NAV2: variants seen among roughly 807,000 people sequenced by gnomAD.
NAV2 encodes helicase, APC down-regulated 1.
In NAV2, 54 loss-of-function variants were observed where a neutral mutation model predicts 223.2. The ratio of observed to expected loss-of-function variants is 0.24; its 90% confidence interval spans 0.19 to 0.30. The LOEUF (loss-of-function observed/expected upper bound fraction) is 0.30, where lower values mean the gene tolerates loss of function less well. Among genes scored for constraint, NAV2 ranks in the 10% least tolerant of loss-of-function variants. The probability of loss-of-function intolerance (pLI) is 1.00; values close to 1 mark genes in which losing one functional copy is unlikely to be tolerated. For missense variants in NAV2, 2,806 were observed against 3,147.5 expected (o/e 0.89, Z 2.60); for synonymous variants, 1,279 against 1,239.3 (o/e 1.03, Z -0.67).
rs577206757 is a variant in NAV2 at position 19,559,901 on chromosome 11, C to G, written c.75+208874C>G. 2.3e-3 allele frequency among the ~76,000 whole-genome samples: 345 copies of G among 152,288 alleles called. 3 individuals are homozygous for G. The highest frequency in any genetic ancestry group is 7.9e-3 in the African/African-American group (327 of 41,566). On this transcript the variant is annotated intron_variant, in intron 1 of 37. Transcript: ENST00000360655. ...GTAAGCTGCCTGAGCCCTTCTCCCCCTGGGGGCGGATAGATGGACAGCCTG... is the reference window on the plus strand; with the variant it reads ...GTAAGCTGCCTGAGCCCTTCTCCCCGTGGGGGCGGATAGATGGACAGCCTG...
At chr11:19,472,743 G>C (rs1286238999) in intron 1 of NAV2, among the ~76,000 whole-genome samples, 1 of 152,136 alleles carries the variant, frequency 6.6e-6, no homozygotes, top group Admixed American at 6.5e-5. Context: ...GGTTGATTTA[G>C]GCGGTGCTAC....
At chr11:19,627,958 A>G (rs2047220106) in intron 1 of NAV2, among the ~76,000 whole-genome samples, 1 of 151,958 alleles carries the variant, frequency 6.6e-6, no homozygotes, top group Non-Finnish European at 1.5e-5. Context: ...AGATAATGAT[A>G]ATATCTGGCA....
intron 1 of NAV2, among the ~76,000 whole-genome samples, chr11:19,830,996 T>C (rs2059897961): frequency 6.6e-6 from 1 of 151,928 alleles, no homozygotes; most frequent in Non-Finnish European, 1.5e-5. Flanking sequence ...AGAAGGTCAC[T>C]GTGGGTGCAC....
rs1407184437 is a variant in NAV2 at position 19,934,556 on chromosome 11, T to C, written c.2033+279T>C. Among the ~76,000 whole-genome samples the C allele has an allele frequency of 5.3e-5, 8 of 152,230 alleles. No homozygotes were observed. The East Asian group carries it at 1.5e-3, about 29-fold the overall frequency. On this transcript the variant is annotated intron_variant, in intron 7 of 37. Transcript: ENST00000349880. ...ATAGGAAAGTGGGGACCCCAGGCCT[T>C]GTAGCAGCAGCTTCCCTGAGCAGAA...
rs148287361 is a variant in NAV2 at position 19,972,563 on chromosome 11, G to A, written c.2646-11562G>A. ...AACTTAGCATAGAAAACCATACACC[G>A]AGTTCACTTTACATGTTGGGTCCTT... On this transcript the variant is annotated intron_variant, in intron 10 of 37. Coordinates refer to ENST00000349880, the MANE Select transcript of NAV2 (RefSeq NM_145117.5). Among the ~76,000 whole-genome samples the A allele has an allele frequency of 2.6e-5, 4 of 152,206 alleles. No homozygotes were observed. The East Asian group carries it at 7.7e-4, about 29-fold the overall frequency.
Position 20,002,914 on chromosome 11 carries a change from A to C in NAV2, c.2768+18667A>C, listed in dbSNP as rs936496487. On this transcript the variant is annotated intron_variant, in intron 11 of 37. Coordinates refer to ENST00000349880, the MANE Select transcript of NAV2 (RefSeq NM_145117.5). ...CTTATTCATAGATGCCCTGGGGCTC[A>C]CAGTATTAGAACTGGCCACCTCCTA... Among the ~76,000 whole-genome samples the C allele has an allele frequency of 3.3e-5, 5 of 152,218 alleles. No homozygotes were observed. In the East Asian group the frequency reaches 9.6e-4, roughly 29 times the overall value.
intron 1 of NAV2, chr11:19,519,600 A>C (rs149910989): frequency 6.6e-6 from 1 of 152,290 alleles, no homozygotes; most frequent in Non-Finnish European, 1.5e-5. Context: ...AGAAGGAATG[A>C]CAGAATCCCC....
At chr11:19,726,947 A>C (rs375677035) in intron 1 of NAV2, among the ~76,000 whole-genome samples, 9 of 152,354 alleles carry the variant, frequency 5.9e-5, no homozygotes, top group African/African-American at 2.2e-4. Flanking sequence ...CACAGGCCCA[A>C]CTGCCTCAAA....
chr11:19,924,183 C>A (rs910433599), intron 6 of NAV2, among the ~76,000 whole-genome samples: 2 of 151,740 alleles, frequency 1.3e-5, no homozygotes, highest in African/African-American at 4.8e-5. Context: ...GCAAGTTAAC[C>A]TTTGTTTAGC....
At position 19,882,087 on chromosome 11, in the gene NAV2, T is replaced by C. The variant is rs543415779; in HGVS notation, c.770+1960T>C. 7.9e-4 allele frequency among the ~76,000 whole-genome samples: 120 copies of C among 152,216 alleles called. 1 individual carries two copies. The South Asian group carries it at 0.013, about 16-fold the overall frequency. On this transcript the variant is annotated intron_variant, in intron 5 of 37. Transcript: ENST00000349880. ...CCATTCTAAGGGTGACAGGAAGCCA[T>C]GGGAAAGTCTTAAAGTAGTAGAAAG...
chr11:20,049,745 A>G (rs1461563876), intron 15 of NAV2, 91 bp from the exon 16 acceptor site: 9 of 1,226,774 alleles, frequency 7.3e-6, no homozygotes, highest in African/African-American at 1.5e-5. Context: ...GAGGATCAGC[A>G]TGGGGAATGA....
At chr11:19,558,416 T>A (rs2044977962) in intron 1 of NAV2, among the ~76,000 whole-genome samples, 1 of 152,212 alleles carries the variant, frequency 6.6e-6, no homozygotes, top group Non-Finnish European at 1.5e-5. Flanking sequence ...AGAATGGTTT[T>A]ACATGGCATT....
In NAV2 at chr11:20,023,696, C is replaced by G. The variant is rs992357165; in HGVS notation, c.2769-12263C>G. Among the ~76,000 whole-genome samples, 470 of 80,436 alleles carry G rather than the reference C, an allele frequency of 5.8e-3. 1 individual carries two copies. The highest frequency in any genetic ancestry group is 8.4e-3 in the Admixed American group (64 of 7,610). The allele number at this position is 80,436 out of a possible 152,430, so 52.8% of individuals were successfully genotyped here. ...GTGGTTGTGTTTATACAGCAAATTG[C>G]TGGGTGTGTGTGTGTGTGTGTGTGT... On this transcript the variant is annotated intron_variant, in intron 11 of 37. Transcript: ENST00000349880.
At chr11:19,472,009 G>T (rs564334986) in intron 1 of NAV2, among the ~76,000 whole-genome samples, 1 of 152,206 alleles carries the variant, frequency 6.6e-6, no homozygotes, top group African/African-American at 2.4e-5. Flanking sequence ...CCAACTAACG[G>T]GTTGCTTTTA....
intron 1 of NAV2, among the ~76,000 whole-genome samples, chr11:19,423,717 G>T (rs780703164): frequency 6.6e-6 from 1 of 152,196 alleles, no homozygotes; most frequent in East Asian, 1.9e-4. Flanking sequence ...ACTCTACACA[G>T]CTACTTCAGG....
At chr11:19,675,776 G>T (rs1276854800) in intron 1 of NAV2, among the ~76,000 whole-genome samples, 2 of 152,186 alleles carry the variant, frequency 1.3e-5, no homozygotes, top group African/African-American at 4.8e-5. Flanking sequence ...CCTCAGAGTT[G>T]CTCAAGTCCC....
In NAV2 at chr11:19,484,127, AACAC is replaced by A. The variant is rs58138697; in HGVS notation, c.75+133129_75+133132del. 3.4e-3 allele frequency among the ~76,000 whole-genome samples: 494 copies of A among 144,888 alleles called. 2 individuals are homozygous for A. The highest frequency in any genetic ancestry group is 0.012 in the African/African-American group (453 of 39,212). On this transcript the variant is annotated intron_variant, in intron 1 of 37. Transcript: ENST00000360655. ...GACCTTGGATTTGTGACTGATCACAAACACACACACACACACACACACACACACA... is the reference window on the plus strand; with the variant it reads ...GACCTTGGATTTGTGACTGATCACAAACACACACACACACACACACACACA...
At chr11:19,454,490 G>T (rs949887628) in intron 1 of NAV2, among the ~76,000 whole-genome samples, 9 of 152,166 alleles carry the variant, frequency 5.9e-5, no homozygotes, top group African/African-American at 1.9e-4. Flanking sequence ...GCTGGGCCTG[G>T]GGCTTTAGAC....
intron 1 of NAV2, among the ~76,000 whole-genome samples, chr11:19,393,366 T>C (rs1849320386): frequency 6.6e-6 from 1 of 152,250 alleles, no homozygotes; most frequent in Non-Finnish European, 1.5e-5. Flanking sequence ...TATGCTGGCT[T>C]GCTCTGGAAG....
Sources: allele counts gnomAD v4.1 joint callset (sites outside exome capture counted in the v4.1 genomes callset), GRCh38; gene constraint gnomAD v4.1.1; transcripts MANE v1.5; gene names NCBI Gene and HGNC (gene_info 2026-07-23, HGNC 2026-07-21).